CYP2C8: variants seen among roughly 807,000 people sequenced by gnomAD.
The protein encoded by CYP2C8 is cytochrome P450 2C8.
CYP2C8 carries 51 observed loss-of-function variants against 41.3 expected under a neutral mutation model. The observed-to-expected ratio is 1.24, with a 90% CI of 0.99 to 1.56. The LOEUF is 1.56. Ranked by LOEUF, CYP2C8 falls within the 40% of genes most tolerant of loss-of-function variation. The pLI is 0.00. For synonymous variants in CYP2C8, 218 were observed against 205.8 expected (o/e 1.06, Z -0.51); for missense variants, 651 against 579.9 (o/e 1.12, Z -1.26).
Position 95,037,247 on chromosome 10 carries a change from T to C in CYP2C8, c.1354A>G (p.Ile452Val), listed in dbSNP as rs770284698. ...GATTTCAGGTTAAAGTTCTGTAAAA[T>C]TGTGGTTAGAAATAAAAATAGCTCC... Reference protein sequence around the residue: ...RMELFLFLTTILQNFNLKSVD... With the variant: ...RMELFLFLTTVLQNFNLKSVD... The change falls in exon 9 of 9, where the codon ATT becomes GTT. Residue 452 changes from isoleucine to valine, a missense_variant. By Grantham distance (29) the Ile-to-Val change is conservative (BLOSUM62 3). Coordinates refer to ENST00000371270, the MANE Select transcript of CYP2C8 (RefSeq NM_000770.3). The C allele has an allele frequency of 1.9e-6, 3 of 1,613,880 alleles. No homozygotes were observed. Among genetic ancestry groups the C allele is most frequent in the East Asian group, 2.2e-5 (1 of 44,878 alleles).
At chr10:95,058,727 TTGG>T (rs2033361627) in intron 4 of CYP2C8, among the ~76,000 whole-genome samples, 1 of 152,088 alleles carries the variant, frequency 6.6e-6, no homozygotes, top group Non-Finnish European at 1.5e-5. Context: ...ATGTGCCAGG[TTGG>T]TGTACTGCAC....
intron 4 of CYP2C8, among the ~76,000 whole-genome samples, chr10:95,062,531 C>T (rs187668378): frequency 4.0e-4 from 61 of 152,160 alleles, no homozygotes; most frequent in Admixed American, 1.8e-3. Context: ...AGCCTATGTG[C>T]GTCTCTGCAC....
chr10:95,068,321 T>C (rs191121348), intron 1 of CYP2C8, among the ~76,000 whole-genome samples: 27 of 152,368 alleles, frequency 1.8e-4, no homozygotes, highest in Non-Finnish European at 1.5e-4. Flanking sequence ...CAGCATCTCC[T>C]GGAAGAACAA....
In CYP2C8 at chr10:95,064,966, G is replaced by T; in HGVS notation, c.482-6C>A. ...AGTGGGATCACAGGGTGAAGCTAAA[G>T]ATTTAAAAATTTTTAAAAAAATTAT... On this transcript the variant is annotated splice_region_variant and splice_polypyrimidine_tract_variant and intron_variant, in intron 3 of 8. Transcript: ENST00000371270. The T allele has an allele frequency of 6.8e-7, 1 of 1,460,452 alleles. No individual in the cohort carries two copies. The highest frequency in any genetic ancestry group is 9.0e-7 in the Non-Finnish European group (1 of 1,105,278). The allele number at this position is 1,460,452 out of a possible 1,614,324, so 90.5% of individuals were successfully genotyped here.
intron 3 of CYP2C8, among the ~76,000 whole-genome samples, chr10:95,066,019 T>C (rs1442011136): frequency 6.6e-6 from 1 of 152,048 alleles, no homozygotes; most frequent in Admixed American, 6.6e-5. Flanking sequence ...CTGAGTTAGC[T>C]GCTTCTATGC....
At chr10:95,061,329 G>A (rs1024766660) in intron 4 of CYP2C8, among the ~76,000 whole-genome samples, 1 of 152,074 alleles carries the variant, frequency 6.6e-6, no homozygotes. Flanking sequence ...GCCTGTTATT[G>A]GTCTATTCAG....
intron 7 of CYP2C8, 37 bp downstream of exon 7, chr10:95,042,848 TTTCAG>T (rs1178959878): frequency 1.9e-5 from 29 of 1,565,578 alleles, no homozygotes; most frequent in Non-Finnish European, 2.6e-5. Flanking sequence ...ACTATGGAAA[TTTCAG>T]AAGTACAGAA....
At chr10:95,061,078 T>C (rs2033417681) in intron 4 of CYP2C8, among the ~76,000 whole-genome samples, 1 of 152,242 alleles carries the variant, frequency 6.6e-6, no homozygotes, top group Admixed American at 6.5e-5. Context: ...TTGATGTTCA[T>C]CAGGGATATT....
intron 3 of CYP2C8, among the ~76,000 whole-genome samples, chr10:95,066,189 T>TGTGTGTGTGTG (rs2033564077): frequency 7.2e-6 from 1 of 138,902 alleles, no homozygotes; most frequent in African/African-American, 2.7e-5. Context: ...TGTGTGTGTG[T>TGTGTGTGTGTG]TTCTCAGGTA....
At chr10:95,041,326 G>A (rs951262481) in intron 7 of CYP2C8, among the ~76,000 whole-genome samples, 1 of 152,178 alleles carries the variant, frequency 6.6e-6, no homozygotes, top group Non-Finnish European at 1.5e-5. Flanking sequence ...AGATGACACT[G>A]TTAATTTCTA....
chr10:95,037,195 G>C lies in CYP2C8; in HGVS notation c.1406C>G (p.Thr469Ser). 1 of 1,613,920 alleles carries C rather than the reference G, an allele frequency of 6.2e-7. No individual in the cohort carries two copies. The highest frequency in any genetic ancestry group is 1.1e-5 in the South Asian group (1 of 91,054). The part of the protein sequence containing the change: ...KSVDDLKNLN[T>S]TAVTKGIVSL... Reference sequence around the variant, plus strand: ...AACAATCCCTTTGGTAACTGCAGTAGTATTGAGGTTCTTTAAATCATCAAC... The same window carrying C: ...AACAATCCCTTTGGTAACTGCAGTACTATTGAGGTTCTTTAAATCATCAAC... The change falls in exon 9 of 9, where the codon ACT becomes AGT. Residue 469 changes from threonine (T) to serine (S), a missense_variant. Coordinates refer to ENST00000371270, the MANE Select transcript of CYP2C8 (RefSeq NM_000770.3).
chr10:95,067,334 T>C lies in CYP2C8; in HGVS notation c.355A>G (p.Arg119Gly). Residue 119 changes from arginine (R) to glycine (G), a missense_variant, in exon 3 of 9, where the codon AGA becomes GGA. By Grantham distance (125) the Arg-to-Gly change is moderately radical. Transcript: ENST00000371270. ...GAGAAACGCCGGATCTCCTTCCATC[T>C]CTTTCCATTGCTGGAAATGATTCCT... ...GLGIISSNGK[R>G]WKEIRRFSLT... 6.2e-7 allele frequency: 1 copy of C among 1,613,106 alleles called. No individual in the cohort carries two copies. Among genetic ancestry groups the C allele is most frequent in the South Asian group, 1.1e-5 (1 of 90,996 alleles).
intron 5 of CYP2C8, among the ~76,000 whole-genome samples, chr10:95,056,452 T>C (rs893400654): frequency 1.6e-4 from 25 of 152,312 alleles, no homozygotes; most frequent in African/African-American, 5.8e-4. Flanking sequence ...ATACAAATGT[T>C]CATAGCAACA....
rs939114328 is a variant in CYP2C8, at chr10:95,037,388, C to T, written c.1292-79G>A. 4.0e-6 allele frequency: 5 copies of T among 1,243,812 alleles called. No homozygotes were observed. The South Asian group carries it at 5.0e-5, about 12-fold the overall frequency. The allele number at this position is 1,243,812 out of a possible 1,614,324, so 77.0% of individuals were successfully genotyped here. ...GACAAACAGTCATTTGTGACTTGCA[C>T]AAACAGAATATGCAGTAAATAATTG... On this transcript the variant is annotated intron_variant, in intron 8 of 8. Coordinates refer to ENST00000371270, the MANE Select transcript of CYP2C8 (RefSeq NM_000770.3).
intron 5 of CYP2C8, among the ~76,000 whole-genome samples, chr10:95,047,518 G>C (rs2033132490): frequency 6.6e-6 from 1 of 152,116 alleles, no homozygotes; most frequent in African/African-American, 2.4e-5. Flanking sequence ...AAGAGAATGA[G>C]TTCACAAAGA....
chr10:95,040,457 C>A (rs1298725677), intron 7 of CYP2C8, among the ~76,000 whole-genome samples: 1 of 152,100 alleles, frequency 6.6e-6, no homozygotes, highest in Non-Finnish European at 1.5e-5. Context: ...GAAGATATAA[C>A]CTTTATTATT....
At position 95,066,153 on chromosome 10, in the gene CYP2C8, A is replaced by AGAGAGAGAGAGT. The variant is rs1342809282; in HGVS notation, c.481+1054_481+1055insACTCTCTCTCTC. On this transcript the variant is annotated intron_variant, in intron 3 of 8. Transcript: ENST00000371270. Reference sequence around the variant, plus strand: ...GAGAGAGAGAGAGAGAGAGAGAGAGAGTGTGTGTGTGTGTGTGTGTGTGTG... The same window carrying AGAGAGAGAGAGT: ...GAGAGAGAGAGAGAGAGAGAGAGAGAGAGAGAGAGAGTGTGTGTGTGTGTGTGTGTGTGTGTG... 5.0e-3 allele frequency among the ~76,000 whole-genome samples: 441 copies of AGAGAGAGAGAGT among 88,238 alleles called. 1 individual carries two copies. Among genetic ancestry groups the AGAGAGAGAGAGT allele is most frequent in the Non-Finnish European group, 8.2e-3 (356 of 43,638 alleles). The allele number at this position is 88,238 out of a possible 152,430, so 57.9% of individuals were successfully genotyped here.
At chr10:95,053,789 G>C (rs976897682) in intron 5 of CYP2C8, among the ~76,000 whole-genome samples, 1 of 152,024 alleles carries the variant, frequency 6.6e-6, no homozygotes, top group Non-Finnish European at 1.5e-5. Context: ...AGGGGAGGGA[G>C]AGCACTGGGA....
At chr10:95,052,360 A>G (rs973839283) in intron 5 of CYP2C8, among the ~76,000 whole-genome samples, 1 of 152,124 alleles carries the variant, frequency 6.6e-6, no homozygotes, top group Non-Finnish European at 1.5e-5. Context: ...TCAATGATGA[A>G]TTCTAGCAAA....
Sources: allele counts gnomAD v4.1 joint callset (sites outside exome capture counted in the v4.1 genomes callset), GRCh38; gene constraint gnomAD v4.1.1; transcripts MANE v1.5; gene names NCBI Gene and HGNC (gene_info 2026-07-23, HGNC 2026-07-21).